Variants in PLCG2 observed in about 807,000 individuals in gnomAD.
The protein encoded by PLCG2 is 1-phosphatidylinositol 4,5-bisphosphate phosphodiesterase gamma-2.
Under a neutral mutation model 175.6 loss-of-function variants are expected in PLCG2, and 69 were observed. That is an observed-to-expected ratio of 0.39 (90% CI 0.32 to 0.48). The LOEUF (loss-of-function observed/expected upper bound fraction) is 0.48, where lower values mean the gene tolerates loss of function less well. PLCG2 is among the 20% of genes least tolerant of loss of function. The probability of loss-of-function intolerance (pLI) is 0.91; values close to 1 mark genes in which losing one functional copy is unlikely to be tolerated. For synonymous variants in PLCG2, 827 were observed against 624.0 expected (o/e 1.33, Z -4.85); for missense variants, 1,798 against 1,650.9 (o/e 1.09, Z -1.54).
At chr16:81,869,407 C>T (rs1049147683) in intron 6 of PLCG2, 109 bp downstream of exon 6, 2 of 764,360 alleles carry the variant, frequency 2.6e-6, no homozygotes, top group African/African-American at 3.4e-5. Flanking sequence ...ACAAGAAAAT[C>T]CTTTGCCTCC....
intron 2 of PLCG2, among the ~76,000 whole-genome samples, chr16:81,796,867 C>T (rs1348130654): frequency 6.6e-6 from 1 of 152,144 alleles, no homozygotes; most frequent in East Asian, 1.9e-4. Flanking sequence ...GTTGTTTCGG[C>T]CATCCAATTT....
rs773396455 is a variant in PLCG2, at chr16:81,893,694, C to T, written c.987-15C>T. The T allele has an allele frequency of 6.3e-7, 1 of 1,580,266 alleles. No individual in the cohort carries two copies. The highest frequency in any genetic ancestry group is 8.7e-7 in the Non-Finnish European group (1 of 1,151,234). On this transcript the variant is annotated splice_polypyrimidine_tract_variant and intron_variant, in intron 11 of 32. Coordinates refer to ENST00000564138, the MANE Select transcript of PLCG2 (RefSeq NM_002661.5). ...GCTGCCACTCTCACACGGCCACCTG[C>T]CTTCTCTCCTGCAGGTACCTTACAG...
Position 81,905,491 on chromosome 16 carries a change from G to T in PLCG2, c.1451G>T (p.Trp484Leu). 2 of 1,613,848 alleles carry T rather than the reference G, an allele frequency of 1.2e-6. No homozygotes were observed. Among genetic ancestry groups the T allele is most frequent in the Non-Finnish European group, 1.7e-6 (2 of 1,179,710 alleles). Residue 484 changes from tryptophan (W) to leucine (L), a missense_variant, in exon 15 of 33, where the codon TGG becomes TTG. Coordinates refer to ENST00000564138, the MANE Select transcript of PLCG2 (RefSeq NM_002661.5). ...EHKQQGELYM[W>L]DSIDQKWTRH... Reference sequence around the variant, plus strand: ...AAGCAACAGGGGGAGCTGTACATGTGGGATTCCATTGACCAGGTGGGCCTT... The same window carrying T: ...AAGCAACAGGGGGAGCTGTACATGTTGGATTCCATTGACCAGGTGGGCCTT...
At chr16:81,792,013 A>T (rs1304632122) in intron 2 of PLCG2, among the ~76,000 whole-genome samples, 1 of 152,204 alleles carries the variant, frequency 6.6e-6, no homozygotes, top group Non-Finnish European at 1.5e-5. Context: ...CTCAGCTTCA[A>T]GGAAAGGAAA....
chr16:81,809,611 G>T (rs1046567776), intron 2 of PLCG2, among the ~76,000 whole-genome samples: 3 of 152,134 alleles, frequency 2.0e-5, no homozygotes, highest in Admixed American at 1.3e-4. Context: ...GACCCACTTA[G>T]ACCCTGTGTC....
chr16:81,751,036 G>T lies in PLCG2; in HGVS notation c.-144-4834G>T, dbSNP rs148907178. The stretch of plus-strand genomic sequence containing the variant: ...ACTCTTGTTGTCCAGACTGGAGTAC[G>T]GTAGTGCAATCTTGGCTCACTACAA... On this transcript the variant is annotated intron_variant, in intron 1 of 5. Transcript: ENST00000565054. 4.3e-5 allele frequency among the ~76,000 whole-genome samples: 6 copies of T among 138,058 alleles called. No individual in the cohort carries two copies. In the East Asian group the frequency reaches 1.3e-3, roughly 30 times the overall value. 90.6% of individuals were successfully genotyped at this position (138,058 alleles called of 152,430 possible).
intron 1 of PLCG2, chr16:81,739,398 G>A (rs12446759): frequency 0.52 from 78,241 of 151,800 alleles, 22,260 homozygotes; most frequent in East Asian, 0.78. Flanking sequence ...GAGTATCTGA[G>A]TCTTCAGGCC....
chr16:81,747,691 T>C (rs772407398), intron 1 of PLCG2, among the ~76,000 whole-genome samples: 15 of 152,146 alleles, frequency 9.9e-5, no homozygotes, highest in Non-Finnish European at 1.8e-4. Context: ...TGCAACATCA[T>C]CTATATAATA....
chr16:81,930,156 G>C (rs1281554229), intron 24 of PLCG2, among the ~76,000 whole-genome samples: 1 of 152,078 alleles, frequency 6.6e-6, no homozygotes, highest in Non-Finnish European at 1.5e-5. Context: ...GGATAATGTA[G>C]CAAGAGCTCA....
chr16:81,814,957 C>G (rs533399371), intron 2 of PLCG2, among the ~76,000 whole-genome samples: 12 of 152,336 alleles, frequency 7.9e-5, no homozygotes, highest in Admixed American at 5.2e-4. Flanking sequence ...TAAACGTCAG[C>G]TGCTGGAGAT....
chr16:81,949,731 A>C (rs1228221834), intron 31 of PLCG2, among the ~76,000 whole-genome samples: 1 of 152,234 alleles, frequency 6.6e-6, no homozygotes, highest in South Asian at 2.1e-4. Flanking sequence ...AAATTTTGTC[A>C]TGGTAAATAT....
chr16:81,760,722 G>A (rs1339002733), intron 2 of PLCG2, among the ~76,000 whole-genome samples: 1 of 145,272 alleles, frequency 6.9e-6, no homozygotes, highest in African/African-American at 2.5e-5. Flanking sequence ...AGCAGCCTGG[G>A]CAACATAGTG....
At position 81,958,126 on chromosome 16, in the gene PLCG2, G is replaced by C; in HGVS notation, c.*128G>C. On this transcript the variant is annotated 3_prime_UTR_variant, in exon 33 of 33. Coordinates refer to ENST00000564138, the MANE Select transcript of PLCG2 (RefSeq NM_002661.5). ...ATCTTTTCTTCAAGCCTGCCATCAA[G>C]GACATTTCTTAAGACCCAACTGGCA... 1 of 714,030 alleles carries C rather than the reference G, an allele frequency of 1.4e-6. No homozygotes were observed. The highest frequency in any genetic ancestry group is 2.7e-5 in the East Asian group (1 of 37,188). 44.2% of individuals were successfully genotyped at this position (714,030 alleles called of 1,614,324 possible).
chr16:81,829,754 A>G (rs1023409714), intron 2 of PLCG2, among the ~76,000 whole-genome samples: 2 of 152,168 alleles, frequency 1.3e-5, no homozygotes, highest in Admixed American at 6.5e-5. Context: ...ATTGGTGACA[A>G]GAGCCATTTT....
chr16:81,846,345 G>T (rs951991165), intron 2 of PLCG2, among the ~76,000 whole-genome samples: 1 of 152,100 alleles, frequency 6.6e-6, no homozygotes, highest in Non-Finnish European at 1.5e-5. Context: ...TCCCTAAGTG[G>T]GACCACAGCC....
intron 14 of PLCG2, 108 bp from the exon 15 acceptor site, chr16:81,905,295 C>G: frequency 1.4e-6 from 1 of 721,032 alleles, no homozygotes; most frequent in South Asian, 1.6e-5. Flanking sequence ...GCAGCAAGAA[C>G]AGGCAGTGCA....
intron 2 of PLCG2, chr16:81,799,074 C>G (rs925942751): frequency 6.6e-6 from 1 of 152,272 alleles, no homozygotes; most frequent in African/African-American, 2.4e-5. Context: ...ACGCCAGTTT[C>G]CTGTTTAGAC....
In PLCG2 at chr16:81,881,455, T is replaced by G. The variant is rs138555944; in HGVS notation, c.692+502T>G. On this transcript the variant is annotated intron_variant, in intron 8 of 32. Transcript: ENST00000564138. ...CAGGACATTCACTGTGCCTCATGAT[T>G]TCCCAAGTGGGGAATTTCTGAGATG... Among the ~76,000 whole-genome samples, 3 of 152,312 alleles carry G rather than the reference T, an allele frequency of 2.0e-5. No homozygotes were observed. The East Asian group carries it at 5.8e-4, about 29-fold the overall frequency.
chr16:81,774,222 C>T lies in PLCG2; in HGVS notation c.-47-11721C>T, dbSNP rs375135381. On this transcript the variant is annotated intron_variant, in intron 2 of 5. Transcript: ENST00000565054. ...AAAAAAAGCCAGGCGTGGTGATGCA[C>T]GCCTGTAGTCCCAACTACTCAGGAG... Among the ~76,000 whole-genome samples, 23 of 142,466 alleles carry T rather than the reference C, an allele frequency of 1.6e-4. No homozygotes were observed. In the South Asian group the frequency reaches 3.2e-3, roughly 20 times the overall value. The allele number at this position is 142,466 out of a possible 152,430, so 93.5% of individuals were successfully genotyped here.
Sources: gnomAD v4.1 joint callset for allele counts (sites outside exome capture counted in the v4.1 genomes callset) on GRCh38, gnomAD v4.1.1 for gene constraint, MANE v1.5 for transcripts, NCBI Gene and HGNC (gene_info 2026-07-23, HGNC 2026-07-21) for gene names.